Variants in GLIS1 observed in about 807,000 individuals in gnomAD.
The protein encoded by GLIS1 is zinc finger protein GLIS1.
Under a neutral mutation model 63.8 loss-of-function variants are expected in GLIS1, and 24 were observed. The ratio of observed to expected loss-of-function variants is 0.38; its 90% CI spans 0.27 to 0.53. The LOEUF is 0.53. Among genes scored for constraint, GLIS1 ranks in the 20% least tolerant of loss-of-function variants. GLIS1 has a pLI of 0.85. For missense variants in GLIS1, 1,036 were observed against 1,074.1 expected, an observed-to-expected ratio of 0.96 and a Z score of 0.50; for synonymous variants, 450 against 482.5, an observed-to-expected ratio of 0.93 and a Z score of 0.88.
intron 2 of GLIS1, among the ~76,000 whole-genome samples, chr1:53,644,476 G>A (rs1004703222): frequency 1.3e-5 from 2 of 152,172 alleles, no homozygotes; most frequent in African/African-American, 2.4e-5. Context: ...TGGAGCTTCC[G>A]TACAGAAGAG....
Position 53,560,094 on chromosome 1 carries a change from T to A in GLIS1, c.1321-30142A>T, listed in dbSNP as rs1157662151. On this transcript the variant is annotated intron_variant, in intron 4 of 10. Transcript: ENST00000628545. The surrounding 1 kb of genome is among the most constrained non-coding windows in gnomAD (Gnocchi z 4.4). ...TCCCACAGCTGCATGCCTAGCAGGA[T>A]GAAGCACACACACAACATAAGGAAT... Among the ~76,000 whole-genome samples, 6 of 152,164 alleles carry A rather than the reference T, an allele frequency of 3.9e-5. No homozygotes were observed. Among genetic ancestry groups the A allele is most frequent in the Non-Finnish European group, 5.9e-5 (4 of 68,012 alleles).
chr1:53,517,651 G>A (rs1346156941), intron 7 of GLIS1, among the ~76,000 whole-genome samples: 2 of 151,818 alleles, frequency 1.3e-5, no homozygotes, highest in African/African-American at 4.8e-5. Flanking sequence ...TTGGGTGGGG[G>A]GTCTCCTGTG....
chr1:53,633,512 G>C (rs1190113987), intron 2 of GLIS1, among the ~76,000 whole-genome samples: 2 of 151,932 alleles, frequency 1.3e-5, no homozygotes, highest in Admixed American at 1.3e-4. Context: ...GTGTGAATGA[G>C]TGTGACTGAA....
At chr1:53,692,542 C>T (rs892514214) in intron 2 of GLIS1, among the ~76,000 whole-genome samples, 3 of 152,238 alleles carry the variant, frequency 2.0e-5, no homozygotes, top group African/African-American at 7.2e-5. Flanking sequence ...CTGGTGGGTG[C>T]CACTATTGTC....
chr1:53,585,718 C>A (rs1244513105), intron 4 of GLIS1, among the ~76,000 whole-genome samples: 2 of 152,170 alleles, frequency 1.3e-5, no homozygotes, highest in Admixed American at 6.5e-5. Flanking sequence ...GGGAGGAACA[C>A]ACCTGTGAAA....
chr1:53,555,864 T>A (rs1644815060), intron 4 of GLIS1, among the ~76,000 whole-genome samples: 1 of 146,984 alleles, frequency 6.8e-6, no homozygotes, highest in African/African-American at 2.6e-5. Context: ...TGTAGGTATG[T>A]GTGTGCAGGT....
rs769404366 is a variant in GLIS1 at position 53,695,381 on chromosome 1, G to A, written c.259+42425C>T. Among the ~76,000 whole-genome samples the A allele has an allele frequency of 4.5e-4, 69 of 152,350 alleles. 1 individual carries two copies. Among genetic ancestry groups the A allele is most frequent in the Admixed American group, 2.9e-3 (45 of 15,304 alleles). On this transcript the variant is annotated intron_variant, in intron 2 of 10. Coordinates refer to ENST00000628545, the MANE Select transcript of GLIS1 (RefSeq NM_001367484.1). The stretch of plus-strand genomic sequence containing the variant: ...AGGAGCGGCATGAGAGAGAAGCAGA[G>A]GTCAAGGGGAGTCACTTCCAGGCTG...
At chr1:53,645,254 T>G (rs768358772) in intron 2 of GLIS1, among the ~76,000 whole-genome samples, 2 of 152,174 alleles carry the variant, frequency 1.3e-5, no homozygotes, top group Non-Finnish European at 2.9e-5. Context: ...CCTTTCCTGG[T>G]CGTGCTATTC....
At chr1:53,738,794 G>C (rs1646939157) in intron 1 of GLIS1, among the ~76,000 whole-genome samples, 1 of 152,180 alleles carries the variant, frequency 6.6e-6, no homozygotes, top group Non-Finnish European at 1.5e-5. Context: ...TGCCCACGCG[G>C]CCGCCGCCAC....
chr1:53,575,218 C>T (rs1645021530), intron 4 of GLIS1, among the ~76,000 whole-genome samples: 1 of 152,228 alleles, frequency 6.6e-6, no homozygotes, highest in African/African-American at 2.4e-5. Flanking sequence ...GGGCGCTGGC[C>T]CTCACGGGGA....
intron 6 of GLIS1, among the ~76,000 whole-genome samples, chr1:53,523,748 C>T (rs541565905): frequency 1.3e-5 from 2 of 152,328 alleles, no homozygotes; most frequent in Admixed American, 6.5e-5. Context: ...GGAACTCACA[C>T]ACGGCTCGTC....
intron 4 of GLIS1, among the ~76,000 whole-genome samples, chr1:53,561,864 C>G (rs943979789): frequency 6.6e-6 from 1 of 152,204 alleles, no homozygotes; most frequent in Non-Finnish European, 1.5e-5. Flanking sequence ...GAACTCCCCC[C>G]TCACCACGCA....
chr1:53,735,765 C>T (rs562532588), intron 2 of GLIS1, among the ~76,000 whole-genome samples: 1 of 152,120 alleles, frequency 6.6e-6, no homozygotes. Context: ...GGGACTATTT[C>T]GGTGGGAGTA....
At chr1:53,589,783 C>T (rs1427095672) in intron 4 of GLIS1, among the ~76,000 whole-genome samples, 2 of 152,216 alleles carry the variant, frequency 1.3e-5, no homozygotes, top group Non-Finnish European at 2.9e-5. Flanking sequence ...TCCTATGCCA[C>T]AGGTCCAGCT....
intron 4 of GLIS1, among the ~76,000 whole-genome samples, chr1:53,591,647 G>T (rs938140359): frequency 8.5e-5 from 13 of 152,170 alleles, no homozygotes; most frequent in African/African-American, 3.1e-4. Context: ...TGTAAAATGG[G>T]GGTTCACAGT....
chr1:53,686,750 C>A (rs764460831), intron 2 of GLIS1, among the ~76,000 whole-genome samples: 2 of 150,260 alleles, frequency 1.3e-5, no homozygotes, highest in Non-Finnish European at 2.9e-5. Context: ...AGTGACCATG[C>A]AAAGGCACAG....
chr1:53,506,567 G>T lies in GLIS1; in HGVS notation c.*52C>A. 6.3e-7 allele frequency: 1 copy of T among 1,580,948 alleles called. No individual in the cohort carries two copies. Among genetic ancestry groups the T allele is most frequent in the Non-Finnish European group, 8.7e-7 (1 of 1,154,940 alleles). On this transcript the variant is annotated 3_prime_UTR_variant, in exon 11 of 11. Transcript: ENST00000628545. ...ACGGAGGGTGGGAGCGACAGCAGGT[G>T]GGCGAGGTGGCATCTGCAGTGCTGG...
At chr1:53,535,423 G>A (rs964286274) in intron 4 of GLIS1, among the ~76,000 whole-genome samples, 4 of 152,022 alleles carry the variant, frequency 2.6e-5, no homozygotes, top group South Asian at 2.1e-4. Context: ...AGGAGGGTGC[G>A]ACATGGGCCC....
At chr1:53,680,494 C>G (rs889343084) in intron 2 of GLIS1, among the ~76,000 whole-genome samples, 2 of 152,214 alleles carry the variant, frequency 1.3e-5, no homozygotes, top group Admixed American at 1.3e-4. Context: ...CTCTCTGAGC[C>G]TCTTCCTCCT....
Sources: allele counts gnomAD v4.1 joint callset (sites outside exome capture counted in the v4.1 genomes callset), GRCh38; gene constraint gnomAD v4.1.1; non-coding constraint Gnocchi (gnomAD v3.1); transcripts MANE v1.5; gene names NCBI Gene and HGNC (gene_info 2026-07-23, HGNC 2026-07-21).